Variants in TAFA1 observed in about 807,000 individuals in gnomAD.
TAFA1 encodes chemokine-like protein TAFA-1.
A neutral mutation model predicts 18.5 loss-of-function variants in TAFA1; 4 were observed. The ratio of observed to expected loss-of-function variants is 0.22; its 90% CI spans 0.11 to 0.49. The LOEUF (loss-of-function observed/expected upper bound fraction) is 0.49. Among genes scored for constraint, TAFA1 ranks in the 20% least tolerant of loss-of-function variants. The pLI is 0.98. For missense variants in TAFA1, 147 were observed against 169.0 expected, an observed-to-expected ratio of 0.87 and a Z score of 0.72; for synonymous variants, 56 against 55.2, an observed-to-expected ratio of 1.01 and a Z score of -0.06.
intron 2 of TAFA1, among the ~76,000 whole-genome samples, chr3:68,031,671 A>T (rs1302041866): frequency 6.6e-6 from 1 of 152,196 alleles, no homozygotes; most frequent in African/African-American, 2.4e-5. Flanking sequence ...CCGGTAATTA[A>T]AAAGGATGAT....
chr3:68,259,569 G>A (rs1417989464), intron 2 of TAFA1, among the ~76,000 whole-genome samples: 1 of 152,084 alleles, frequency 6.6e-6, no homozygotes, highest in Non-Finnish European at 1.5e-5. Context: ...CTACCCATGA[G>A]CATGGAATGT....
chr3:68,332,287 T>C (rs1175750409), intron 2 of TAFA1, among the ~76,000 whole-genome samples: 2 of 152,020 alleles, frequency 1.3e-5, no homozygotes, highest in African/African-American at 4.8e-5. Context: ...AAGATCTAAA[T>C]GTAACATCTG....
chr3:68,386,305 C>T (rs2070102585), intron 2 of TAFA1, among the ~76,000 whole-genome samples: 1 of 152,180 alleles, frequency 6.6e-6, no homozygotes, highest in Non-Finnish European at 1.5e-5. Flanking sequence ...TTATATGACA[C>T]TACAGTTCAC....
At chr3:68,263,472 C>CACACACACACAG (rs1553662924) in intron 2 of TAFA1, among the ~76,000 whole-genome samples, 1 of 151,598 alleles carries the variant, frequency 6.6e-6, no homozygotes, top group Non-Finnish European at 1.5e-5. Flanking sequence ...CACACACACA[C>CACACACACACAG]ACACACACAT....
At chr3:68,085,972 AT>A (rs2064966065) in intron 2 of TAFA1, among the ~76,000 whole-genome samples, 1 of 152,196 alleles carries the variant, frequency 6.6e-6, no homozygotes, top group African/African-American at 2.4e-5. Flanking sequence ...ACACTCAGTA[AT>A]TTTGGTGTTT....
chr3:68,441,337 A>G (rs73111020), intron 3 of TAFA1, among the ~76,000 whole-genome samples: 42,709 of 151,888 alleles, frequency 0.28, 6,741 homozygotes, highest in East Asian at 0.7. Context: ...AGATAGTGAC[A>G]CTGTGTGGAG....
At chr3:68,131,507 G>T (rs9868432) in intron 2 of TAFA1, among the ~76,000 whole-genome samples, 79,286 of 152,094 alleles carry the variant, frequency 0.52, 21,608 homozygotes, top group South Asian at 0.64. Context: ...CCATGCTTCA[G>T]CTCTTCTTCA....
intron 2 of TAFA1, among the ~76,000 whole-genome samples, chr3:68,308,716 AT>A (rs1366683467): frequency 6.6e-6 from 1 of 152,020 alleles, no homozygotes; most frequent in African/African-American, 2.4e-5. Flanking sequence ...ATGCTCATTT[AT>A]TTTGATCATA....
chr3:68,267,360 G>T (rs2067568342), intron 2 of TAFA1, among the ~76,000 whole-genome samples: 1 of 152,140 alleles, frequency 6.6e-6, no homozygotes, highest in African/African-American at 2.4e-5. Flanking sequence ...AGGTTCCATG[G>T]TTGTCACATC....
At chr3:68,512,680 T>TTTG (rs2072866559) in intron 3 of TAFA1, among the ~76,000 whole-genome samples, 2 of 150,794 alleles carry the variant, frequency 1.3e-5, no homozygotes, top group African/African-American at 2.4e-5. Context: ...TTTGCTGGTT[T>TTTG]TTTGTTTGTT....
chr3:68,489,563 T>C (rs994470693), intron 3 of TAFA1, among the ~76,000 whole-genome samples: 7 of 152,310 alleles, frequency 4.6e-5, no homozygotes, highest in Non-Finnish European at 1.0e-4. Flanking sequence ...TGTTTTTCTA[T>C]GACTCATTTA....
At chr3:68,450,624 G>C (rs963139955) in intron 3 of TAFA1, among the ~76,000 whole-genome samples, 1 of 152,152 alleles carries the variant, frequency 6.6e-6, no homozygotes. Context: ...AGGTGTTATG[G>C]AGACCAAGGA....
intron 1 of TAFA1, among the ~76,000 whole-genome samples, chr3:68,006,071 A>G (rs1044894903): frequency 6.6e-6 from 1 of 152,124 alleles, no homozygotes; most frequent in Non-Finnish European, 1.5e-5. Context: ...ATCCCTTCTG[A>G]TTCTTAGGTC....
chr3:68,524,929 C>A (rs1228968984), intron 3 of TAFA1, among the ~76,000 whole-genome samples: 2 of 152,204 alleles, frequency 1.3e-5, no homozygotes, highest in African/African-American at 4.8e-5. Flanking sequence ...CCTCAGCCTC[C>A]CAAAGTGCTG....
At chr3:68,221,458 G>A (rs980220933) in intron 2 of TAFA1, among the ~76,000 whole-genome samples, 3 of 152,040 alleles carry the variant, frequency 2.0e-5, no homozygotes. Context: ...ATTTTCTTAA[G>A]CAAATAGGGT....
chr3:68,012,026 A>T (rs1704482894), intron 2 of TAFA1, among the ~76,000 whole-genome samples: 1 of 152,260 alleles, frequency 6.6e-6, no homozygotes, highest in African/African-American at 2.4e-5. Flanking sequence ...AAAAATATTT[A>T]GAAATGGCAA....
chr3:68,023,798 G>C (rs1218050699), intron 2 of TAFA1, among the ~76,000 whole-genome samples: 1 of 152,050 alleles, frequency 6.6e-6, no homozygotes, highest in Non-Finnish European at 1.5e-5. Context: ...TTTACATATA[G>C]CTGACTTTTG....
chr3:68,318,027 G>A (rs2068633045), intron 2 of TAFA1, among the ~76,000 whole-genome samples: 1 of 152,086 alleles, frequency 6.6e-6, no homozygotes, highest in Non-Finnish European at 1.5e-5. Flanking sequence ...TCACTGTGGT[G>A]CTGCCAGCTG....
At chr3:68,372,479 G>A (rs2069727024) in intron 2 of TAFA1, among the ~76,000 whole-genome samples, 1 of 152,190 alleles carries the variant, frequency 6.6e-6, no homozygotes, top group Non-Finnish European at 1.5e-5. Context: ...GATGAAGAGA[G>A]CCAGGTGGGT....
Sources: gnomAD v4.1 joint callset for allele counts (sites outside exome capture counted in the v4.1 genomes callset) on GRCh38, gnomAD v4.1.1 for gene constraint, MANE v1.5 for transcripts, NCBI Gene and HGNC (gene_info 2026-07-23, HGNC 2026-07-21) for gene names.